ADAMTS12: variants seen among roughly 807,000 people sequenced by gnomAD.
ADAMTS12 encodes the protein ADAM metallopeptidase with thrombospondin type 1 motif 12.
Under a neutral mutation model 167.8 loss-of-function variants are expected in ADAMTS12, and 118 were observed. The ratio of observed to expected loss-of-function variants is 0.70; its 90% CI spans 0.61 to 0.82. ADAMTS12 has a LOEUF of 0.82. Ranked by LOEUF, ADAMTS12 falls within the 40% of genes least tolerant of loss-of-function variation. The pLI is 0.00. For missense variants in ADAMTS12, 1,916 were observed against 1,998.8 expected, an observed-to-expected ratio of 0.96 and a Z score of 0.79; for synonymous variants, 704 against 716.9, an observed-to-expected ratio of 0.98 and a Z score of 0.29.
At chr5:33,538,062 C>A (rs1044353785) in intron 22 of ADAMTS12, among the ~76,000 whole-genome samples, 4 of 152,306 alleles carry the variant, frequency 2.6e-5, no homozygotes, top group African/African-American at 7.2e-5. Flanking sequence ...AACCCAGTGG[C>A]CTTCACCTCA....
intron 18 of ADAMTS12, among the ~76,000 whole-genome samples, chr5:33,578,289 G>A (rs895084120): frequency 2.6e-5 from 4 of 152,202 alleles, no homozygotes; most frequent in African/African-American, 9.7e-5. Flanking sequence ...ACGTCCCTAT[G>A]AGATGTACAA....
chr5:33,730,590 A>G (rs1409919261), intron 3 of ADAMTS12, among the ~76,000 whole-genome samples: 1 of 152,250 alleles, frequency 6.6e-6, no homozygotes, highest in African/African-American at 2.4e-5. Context: ...CTTAAATAAC[A>G]GCAAAATATA....
At chr5:33,812,309 A>G (rs1464363533) in intron 2 of ADAMTS12, among the ~76,000 whole-genome samples, 1 of 152,190 alleles carries the variant, frequency 6.6e-6, no homozygotes, top group Non-Finnish European at 1.5e-5. Context: ...ATCTGTGAGT[A>G]GTGATTGTGA....
At chr5:33,682,652 G>A (rs62352063) in intron 5 of ADAMTS12, among the ~76,000 whole-genome samples, 8,025 of 152,256 alleles carry the variant, frequency 0.053, 440 homozygotes, top group East Asian at 0.17. Context: ...AAGTAAATTA[G>A]TAGTATCAAA....
intron 2 of ADAMTS12, among the ~76,000 whole-genome samples, chr5:33,824,820 GATA>G (rs970943453): frequency 3.3e-4 from 50 of 152,276 alleles, no homozygotes; most frequent in African/African-American, 1.1e-3. Flanking sequence ...AGGCTAGGAT[GATA>G]CTTCCCAATC....
At chr5:33,634,064 GA>G (rs1320633312) in intron 12 of ADAMTS12, among the ~76,000 whole-genome samples, 2 of 152,128 alleles carry the variant, frequency 1.3e-5, no homozygotes, top group Non-Finnish European at 2.9e-5. Context: ...CAATTTTGCA[GA>G]AACAGGGTGG....
intron 3 of ADAMTS12, among the ~76,000 whole-genome samples, chr5:33,736,110 T>C (rs1465994420): frequency 6.6e-6 from 1 of 151,766 alleles, no homozygotes; most frequent in Non-Finnish European, 1.5e-5. Flanking sequence ...TCACCCAGGC[T>C]GTGGTGCAAC....
chr5:33,658,206 T>C lies in ADAMTS12; in HGVS notation c.1168A>G (p.Ile390Val), dbSNP rs531024651. The C allele has an allele frequency of 2.5e-6, 4 of 1,613,540 alleles. No homozygotes were observed. Among genetic ancestry groups the C allele is most frequent in the African/African-American group, 2.7e-5 (2 of 74,988 alleles). Residue 390 changes from isoleucine (I) to valine (V), a missense_variant, in exon 7 of 24, where the codon ATT (isoleucine) becomes GTT (valine). Transcript: ENST00000504830. ...TACCTGTGTCCTAGCTCATGGGCAA[T>C]TGTGAAAGCCAGAGGGAGTCCCGAA... Reference protein sequence around the residue: ...EDSGLPLAFTIAHELGHSFGI... With the variant: ...EDSGLPLAFTVAHELGHSFGI...
intron 13 of ADAMTS12, among the ~76,000 whole-genome samples, chr5:33,629,559 AC>A (rs1223710669): frequency 8.5e-5 from 13 of 152,122 alleles, no homozygotes; most frequent in Non-Finnish European, 1.8e-4. Flanking sequence ...ATGAGTTCTC[AC>A]CCTTGTATGC....
intron 3 of ADAMTS12, among the ~76,000 whole-genome samples, chr5:33,698,257 T>G (rs1200990543): frequency 1.3e-5 from 2 of 152,234 alleles, no homozygotes; most frequent in Non-Finnish European, 2.9e-5. Flanking sequence ...ATTAAAATCA[T>G]CTTATCTTTC....
At position 33,722,592 on chromosome 5, in the gene ADAMTS12, A is replaced by C. The variant is rs148015841; in HGVS notation, c.634+28812T>G. Among the ~76,000 whole-genome samples the C allele has an allele frequency of 9.2e-5, 14 of 152,304 alleles. No homozygotes were observed. In the East Asian group the frequency reaches 1.7e-3, roughly 19 times the overall value. On this transcript the variant is annotated intron_variant, in intron 3 of 23. Coordinates refer to ENST00000504830, the MANE Select transcript of ADAMTS12 (RefSeq NM_030955.4). ...ATCTTCCTAATATTTTCTTAGACCA[A>C]ATAACAAAATGAGCTTGTTTCCTTT...
Position 33,837,091 on chromosome 5 carries a change from T to C in ADAMTS12, c.489+44028A>G, listed in dbSNP as rs1002885306. The stretch of plus-strand genomic sequence containing the variant: ...AACAATGGGAAAACCCTGGGGGACT[T>C]AGCACACCAGACAAGCCCCACTGTG... On this transcript the variant is annotated intron_variant, in intron 2 of 23. Transcript: ENST00000504830. Among the ~76,000 whole-genome samples, 21 of 152,184 alleles carry C rather than the reference T, an allele frequency of 1.4e-4. No homozygotes were observed. In the East Asian group the frequency reaches 1.9e-3, roughly 14 times the overall value.
chr5:33,633,517 C>T (rs906190354), intron 12 of ADAMTS12, among the ~76,000 whole-genome samples: 3 of 151,912 alleles, frequency 2.0e-5, no homozygotes, highest in Non-Finnish European at 4.4e-5. Flanking sequence ...ACCACCATGA[C>T]CTATAGGTGT....
chr5:33,561,106 G>A lies in ADAMTS12; in HGVS notation c.4046C>T (p.Ala1349Val), dbSNP rs764129116. 27 of 1,613,966 alleles carry A rather than the reference G, an allele frequency of 1.7e-5. No individual in the cohort carries two copies. The highest frequency in any genetic ancestry group is 6.6e-5 in the South Asian group (6 of 91,082). ...TGCAGGGTCAGGTCTCTGGATGGCC[G>A]CACAGTCAGAATCCATCTGGGTGCT... ...ECSTQMDSDC[A>V]AIQRPDPAKR... The change falls in exon 20 of 24, where the codon GCG becomes GTG. Residue 1349 changes from alanine (A) to valine (V), a missense_variant. Physicochemically the swap from Ala to Val is moderately conservative, Grantham distance 64 (BLOSUM62 0). Coordinates refer to ENST00000504830, the MANE Select transcript of ADAMTS12 (RefSeq NM_030955.4).
At chr5:33,743,628 T>A (rs1465522246) in intron 3 of ADAMTS12, among the ~76,000 whole-genome samples, 1 of 152,232 alleles carries the variant, frequency 6.6e-6, no homozygotes, top group Non-Finnish European at 1.5e-5. Context: ...TCTGGCACAG[T>A]GTGAGTGTGG....
intron 2 of ADAMTS12, among the ~76,000 whole-genome samples, chr5:33,761,894 T>C (rs1745368727): frequency 6.6e-6 from 1 of 152,210 alleles, no homozygotes; most frequent in East Asian, 1.9e-4. Context: ...GAAATAATCA[T>C]GTTTAAGAAA....
At chr5:33,746,214 A>G (rs1320922708) in intron 3 of ADAMTS12, among the ~76,000 whole-genome samples, 1 of 152,218 alleles carries the variant, frequency 6.6e-6, no homozygotes, top group Non-Finnish European at 1.5e-5. Flanking sequence ...CAATTCCAAT[A>G]GTACCATCTA....
rs572687400 is a variant in ADAMTS12, at chr5:33,738,354, T to C, written c.634+13050A>G. On this transcript the variant is annotated intron_variant, in intron 3 of 23. Transcript: ENST00000504830. ...TACTCAGGCATAAAGTACAGAATCT[T>C]GCCAATCAGGTGAGCTTTTCCAATG... Among the ~76,000 whole-genome samples the C allele has an allele frequency of 2.6e-5, 4 of 152,196 alleles. No individual in the cohort carries two copies. In the East Asian group the frequency reaches 7.7e-4, roughly 29 times the overall value.
chr5:33,585,919 G>A (rs1644842317), intron 18 of ADAMTS12, among the ~76,000 whole-genome samples: 2 of 152,220 alleles, frequency 1.3e-5, no homozygotes, highest in South Asian at 2.1e-4. Flanking sequence ...TGAGTTGGTG[G>A]AGTGCTTTGA....
Sources: allele counts gnomAD v4.1 joint callset (sites outside exome capture counted in the v4.1 genomes callset), GRCh38; gene constraint gnomAD v4.1.1; transcripts MANE v1.5; gene names NCBI Gene and HGNC (gene_info 2026-07-23, HGNC 2026-07-21).